The following ADAMTSL5 variants were observed in gnomAD, a reference collection of about 807,000 sequenced individuals.
The protein encoded by ADAMTSL5 is ADAMTS-like protein 5.
A neutral mutation model predicts 51.7 loss-of-function variants in ADAMTSL5; 53 were observed. That is an observed-to-expected ratio of 1.03 (90% CI 0.82 to 1.29). ADAMTSL5 has a LOEUF of 1.29. Among genes scored for constraint, ADAMTSL5 ranks in the 50% most tolerant of loss-of-function variants. ADAMTSL5 has a pLI of 0.00. For missense variants in ADAMTSL5, 770 were observed against 676.2 expected, an observed-to-expected ratio of 1.14 and a Z score of -1.54; for synonymous variants, 285 against 278.7, an observed-to-expected ratio of 1.02 and a Z score of -0.23.
rs561540420 is a variant in ADAMTSL5, at chr19:1,505,737, G to C, written c.*278C>G. ...AAGAAAGCAGCGTTAAACTTTCTGA[G>C]TATAAATAGCTATGAGCTTCCTGGC... On this transcript the variant is annotated 3_prime_UTR_variant, in exon 12 of 12. Coordinates refer to ENST00000330475, the MANE Select transcript of ADAMTSL5 (RefSeq NM_213604.3). 1 of 413,070 alleles carries C rather than the reference G, an allele frequency of 2.4e-6. No individual in the cohort carries two copies. The highest frequency in any genetic ancestry group is 3.9e-5 in the East Asian group (1 of 25,530). 25.6% of individuals were successfully genotyped at this position (413,070 alleles called of 1,614,324 possible).
chr19:1,507,089 C>T (rs1912974480), intron 9 of ADAMTSL5, among the ~76,000 whole-genome samples, 153 bp downstream of exon 9: 2 of 150,930 alleles, frequency 1.3e-5, no homozygotes, highest in African/African-American at 4.9e-5. Context: ...CTGTCCCCAC[C>T]CTCCCCCCTC....
intron 1 of ADAMTSL5, chr19:1,511,475 C>T (rs1490165299): frequency 9.3e-7 from 1 of 1,073,404 alleles, no homozygotes; most frequent in Non-Finnish European, 1.2e-6. Context: ...ACCCAGCCTA[C>T]AATATTATTG....
chr19:1,507,898 C>T (rs963397805), intron 7 of ADAMTSL5, 100 bp downstream of exon 7: 21 of 1,304,830 alleles, frequency 1.6e-5, no homozygotes, highest in Non-Finnish European at 2.2e-5. Flanking sequence ...GGGGGCTGGG[C>T]CGCACACTGG....
chr19:1,507,171 C>T, intron 9 of ADAMTSL5, 71 bp downstream of exon 9: 1 of 1,484,174 alleles, frequency 6.7e-7, no homozygotes, highest in South Asian at 1.3e-5. Flanking sequence ...TCCACTCCTA[C>T]CCTCTGTCCC....
At position 1,506,269 on chromosome 19, in the gene ADAMTSL5, G is replaced by A. The variant is rs201754237; in HGVS notation, c.1162C>T (p.Arg388Cys). The change falls in exon 12 of 12, where the codon CGC (arginine) becomes TGC (cysteine). Residue 388 changes from arginine to cysteine, a missense_variant. By Grantham distance (180) the Arg-to-Cys change is radical. Transcript: ENST00000330475. This position sits in a 1 kb window ranked among gnomAD's most constrained non-coding sequence, Gnocchi z 5.6. Reference protein sequence around the residue: ...LGHHHQAQETRYEVRIQLVYK... With the variant: ...LGHHHQAQETCYEVRIQLVYK... The stretch of plus-strand genomic sequence containing the variant: ...ACGAGCTGGATGCGCACCTCATAGC[G>A]GGTCTCCTGGGCCTGGTGGTGGTGG... 441 of 1,561,542 alleles carry A rather than the reference G, an allele frequency of 2.8e-4. No homozygotes were observed. The highest frequency in any genetic ancestry group is 3.5e-4 in the Non-Finnish European group (406 of 1,150,566).
rs766522784 is a variant in ADAMTSL5 at position 1,508,492 on chromosome 19, G to A, written c.440C>T (p.Thr147Ile). 1.1e-5 allele frequency: 18 copies of A among 1,586,886 alleles called. No homozygotes were observed. Among genetic ancestry groups the A allele is most frequent in the Non-Finnish European group, 1.4e-5 (17 of 1,173,430 alleles). ...CCCCTGGGCACCCGGGCTGCAGGCGGTGCCGTCCAGGACGCGGCCGAAGCT... is the reference window on the plus strand; with the variant it reads ...CCCCTGGGCACCCGGGCTGCAGGCGATGCCGTCCAGGACGCGGCCGAAGCT... ...YHSFGRVLDG[T>I]ACSPGAQGVC... is the part of the protein sequence containing the mutation. Residue 147 changes from threonine to isoleucine, a missense_variant, in exon 6 of 12, where the codon ACC (threonine) becomes ATC (isoleucine). Thr to Ile is a moderately conservative substitution (Grantham distance 89). Transcript: ENST00000330475.
chr19:1,511,962 G>A (rs1913284657), intron 1 of ADAMTSL5, among the ~76,000 whole-genome samples: 1 of 152,206 alleles, frequency 6.6e-6, no homozygotes, highest in South Asian at 2.1e-4. Context: ...AGGGGCCACT[G>A]CTGAGGCTGG....
rs373353639 is a variant in ADAMTSL5, at chr19:1,508,116, G to A, written c.490-7C>T. On this transcript the variant is annotated splice_region_variant and splice_polypyrimidine_tract_variant and intron_variant, in intron 6 of 11. Transcript: ENST00000330475. ...ACCCATCACAGCCGGCGCTCTAAAG[G>A]GTGAAGGACAGGCGCGGCGTCACTG... 4 of 1,604,554 alleles carry A rather than the reference G, an allele frequency of 2.5e-6. No homozygotes were observed. Among genetic ancestry groups the A allele is most frequent in the South Asian group, 2.2e-5 (2 of 90,094 alleles).
In ADAMTSL5 at chr19:1,508,567, G is replaced by A; in HGVS notation, c.365C>T (p.Pro122Leu). 6.4e-7 allele frequency: 1 copy of A among 1,551,566 alleles called. No homozygotes were observed. Among genetic ancestry groups the A allele is most frequent in the South Asian group, 1.2e-5 (1 of 84,742 alleles). ...TYQWVPFHGA[P>L]NQCDLNCLAE... ...CAGGCAGTTGAGGTCGCACTGGTTG[G>A]GCGCTGAGGGCAGGAGGAGTCGGTG... The change falls in exon 6 of 12, where the codon CCC (proline) becomes CTC (leucine). Residue 122 changes from proline (P) to leucine (L), a missense_variant. Coordinates refer to ENST00000330475, the MANE Select transcript of ADAMTSL5 (RefSeq NM_213604.3).
intron 5 of ADAMTSL5, among the ~76,000 whole-genome samples, 184 bp downstream of exon 5, chr19:1,509,966 T>C (rs1913171106): frequency 1.3e-5 from 2 of 152,310 alleles, no homozygotes; most frequent in South Asian, 4.1e-4. Flanking sequence ...GAATGAACCC[T>C]GCTTCCCTCT....
At chr19:1,510,561 C>T in intron 3 of ADAMTSL5, 78 bp downstream of exon 3, 1 of 1,475,242 alleles carries the variant, frequency 6.8e-7, no homozygotes, top group South Asian at 1.3e-5. Flanking sequence ...CATGTGTGGG[C>T]AGGCCGAGGG....
intron 5 of ADAMTSL5, among the ~76,000 whole-genome samples, chr19:1,509,611 T>TGGAA (rs141155053): frequency 0.62 from 69,107 of 110,772 alleles, 23,929 homozygotes; most frequent in Non-Finnish European, 0.69. Context: ...CTCAGATTGA[T>TGGAA]GGAAGGAAGG....
intron 7 of ADAMTSL5, 59 bp downstream of exon 7, chr19:1,507,939 A>G: frequency 6.6e-7 from 1 of 1,514,874 alleles, no homozygotes; most frequent in Non-Finnish European, 8.9e-7. Flanking sequence ...CTTCCGGGCC[A>G]CGGCTCGTTA....
rs1480526701 is a variant in ADAMTSL5, at chr19:1,506,477, G to C, written c.1114+113C>G. On this transcript the variant is annotated intron_variant, in intron 11 of 11. Coordinates refer to ENST00000330475, the MANE Select transcript of ADAMTSL5 (RefSeq NM_213604.3). The surrounding 1 kb of genome is among the most constrained non-coding windows in gnomAD (Gnocchi z 5.6). ...GGGATCAATGAGGGATTAGGGTCAA[G>C]AGGCAAATTAGGATCAGAAGAAGGG... 5 of 1,473,150 alleles carry C rather than the reference G, an allele frequency of 3.4e-6. No homozygotes were observed. In the African/African-American group the frequency reaches 4.2e-5, roughly 12 times the overall value. The allele number at this position is 1,473,150 out of a possible 1,614,324, so 91.3% of individuals were successfully genotyped here. A position where few individuals can be genotyped will look rare whatever the true frequency, so the allele number is the denominator to read the frequency against.
At chr19:1,511,720 G>T (rs1379573184) in intron 1 of ADAMTSL5, 4 of 578,008 alleles carry the variant, frequency 6.9e-6, no homozygotes, top group Non-Finnish European at 1.2e-5. Context: ...CCATGATTCT[G>T]TGACACCCTG....
Position 1,508,139 on chromosome 19 carries a change from C to T in ADAMTSL5, c.490-30G>A, listed in dbSNP as rs372604864. On this transcript the variant is annotated intron_variant, in intron 6 of 11. Transcript: ENST00000330475. ...AGGGTGAAGGACAGGCGCGGCGTCA[C>T]TGACGCTGGGAGGGGCAGGACCTGG... The T allele has an allele frequency of 7.7e-5, 122 of 1,584,578 alleles. No individual in the cohort carries two copies. In the African/African-American group the frequency reaches 1.5e-3, roughly 19 times the overall value.
chr19:1,508,325 C>A, intron 6 of ADAMTSL5, 118 bp downstream of exon 6: 1 of 710,180 alleles, frequency 1.4e-6, no homozygotes. Context: ...AGGGGGAAGG[C>A]GGTGGAGCCT....
At chr19:1,509,905 C>G (rs1310057319) in intron 5 of ADAMTSL5, among the ~76,000 whole-genome samples, 5 of 152,252 alleles carry the variant, frequency 3.3e-5, no homozygotes, top group African/African-American at 1.2e-4. Flanking sequence ...AAGTGTTGGC[C>G]TCTGGATACA....
At chr19:1,507,767 C>A in intron 7 of ADAMTSL5, 124 bp from the exon 8 acceptor site, 2 of 1,094,148 alleles carry the variant, frequency 1.8e-6, no homozygotes, top group Non-Finnish European at 2.7e-6. Flanking sequence ...GGAAAACCCT[C>A]CGTAAACGTT....
Sources: gnomAD v4.1 joint callset for allele counts (sites outside exome capture counted in the v4.1 genomes callset) on GRCh38, gnomAD v4.1.1 for gene constraint, Gnocchi (gnomAD v3.1) non-coding constraint, MANE v1.5 for transcripts, NCBI Gene and HGNC (gene_info 2026-07-23, HGNC 2026-07-21) for gene names.